Variants in WWOX observed in about 807,000 individuals in gnomAD.
The protein encoded by WWOX is WW domain-containing oxidoreductase.
Under a neutral mutation model 46.2 loss-of-function variants are expected in WWOX, and 69 were observed. The observed-to-expected ratio is 1.49, with a 90% CI of 1.23 to 1.82. The LOEUF is 1.82. Ranked by LOEUF, WWOX falls within the 40% of genes most tolerant of loss-of-function variation. WWOX has a pLI of 0.00. For synonymous variants in WWOX, 359 were observed against 202.6 expected (o/e 1.77, Z -6.56); for missense variants, 919 against 542.6 (o/e 1.69, Z -6.89).
chr16:78,872,207 A>G (rs1337969124), intron 8 of WWOX, among the ~76,000 whole-genome samples: 4 of 152,226 alleles, frequency 2.6e-5, no homozygotes, highest in African/African-American at 9.6e-5. Flanking sequence ...GGCTGCCTGG[A>G]TTCAAATCCC....
intron 8 of WWOX, among the ~76,000 whole-genome samples, chr16:79,037,088 C>T (rs1179747811): frequency 6.6e-6 from 1 of 152,158 alleles, no homozygotes; most frequent in Non-Finnish European, 1.5e-5. Flanking sequence ...CAGGGCGGGG[C>T]CTGGGCTTTA....
intron 8 of WWOX, among the ~76,000 whole-genome samples, chr16:78,808,578 T>A (rs2051103751): frequency 6.6e-6 from 1 of 152,192 alleles, no homozygotes; most frequent in Non-Finnish European, 1.5e-5. Context: ...GTAGCCAACA[T>A]TCTGGGAAGT....
intron 8 of WWOX, among the ~76,000 whole-genome samples, chr16:78,986,060 C>T (rs909379304): frequency 1.3e-5 from 2 of 152,164 alleles, no homozygotes; most frequent in Admixed American, 6.5e-5. Context: ...AGCTTGTCCA[C>T]GATGGCATGG....
chr16:78,474,237 G>C (rs1031135508), intron 8 of WWOX, among the ~76,000 whole-genome samples: 2 of 152,274 alleles, frequency 1.3e-5, no homozygotes, highest in African/African-American at 4.8e-5. Flanking sequence ...TTTTATGTTT[G>C]ACATTTTGAT....
chr16:78,127,999 A>C (rs2033430644), intron 4 of WWOX, among the ~76,000 whole-genome samples: 1 of 152,220 alleles, frequency 6.6e-6, no homozygotes, highest in African/African-American at 2.4e-5. Context: ...TGTACAGATC[A>C]AGTAAAACAA....
intron 8 of WWOX, among the ~76,000 whole-genome samples, chr16:78,798,651 A>G (rs1014169749): frequency 2.6e-5 from 4 of 151,398 alleles, no homozygotes; most frequent in Admixed American, 6.6e-5. Flanking sequence ...TTCTCGAAAC[A>G]TATATATTTT....
chr16:78,225,515 A>G (rs1449445444), intron 5 of WWOX, among the ~76,000 whole-genome samples: 1 of 152,124 alleles, frequency 6.6e-6, no homozygotes, highest in East Asian at 1.9e-4. Context: ...GTTACGCTTT[A>G]AAAATCCTTC....
intron 8 of WWOX, among the ~76,000 whole-genome samples, chr16:78,874,554 C>T (rs1044027217): frequency 6.6e-6 from 1 of 152,016 alleles, no homozygotes; most frequent in African/African-American, 2.4e-5. Flanking sequence ...TGATGTTATT[C>T]ATGGCAAAAG....
At chr16:78,518,358 A>T (rs944632884) in intron 8 of WWOX, among the ~76,000 whole-genome samples, 1 of 152,010 alleles carries the variant, frequency 6.6e-6, no homozygotes, top group African/African-American at 2.4e-5. Context: ...CAGCCTCCCG[A>T]GTAGCTGGGA....
intron 8 of WWOX, among the ~76,000 whole-genome samples, chr16:79,090,681 C>T (rs1488939263): frequency 1.3e-5 from 2 of 152,060 alleles, no homozygotes; most frequent in East Asian, 1.9e-4. Flanking sequence ...GAGGAGGGGA[C>T]GGCAAGTATC....
intron 8 of WWOX, among the ~76,000 whole-genome samples, chr16:79,057,297 G>A (rs1292081822): frequency 6.6e-6 from 1 of 152,184 alleles, no homozygotes; most frequent in East Asian, 1.9e-4. Flanking sequence ...CAGCATGGGG[G>A]CATGAATTGC....
chr16:78,953,359 C>A (rs2046101335), intron 8 of WWOX, among the ~76,000 whole-genome samples: 1 of 152,150 alleles, frequency 6.6e-6, no homozygotes, highest in Non-Finnish European at 1.5e-5. Flanking sequence ...AAGGGCTTTG[C>A]ACACTAATTG....
At chr16:78,991,864 G>A (rs1016629205) in intron 8 of WWOX, among the ~76,000 whole-genome samples, 1 of 152,004 alleles carries the variant, frequency 6.6e-6, no homozygotes, top group Admixed American at 6.6e-5. Context: ...TGTCCATGTG[G>A]GGCCCTGTGG....
chr16:78,780,665 C>T (rs536929244), intron 8 of WWOX, among the ~76,000 whole-genome samples: 100 of 152,192 alleles, frequency 6.6e-4, no homozygotes, highest in South Asian at 1.7e-3. Flanking sequence ...AAAAACAGTG[C>T]AAGCGCTGCA....
intron 8 of WWOX, among the ~76,000 whole-genome samples, chr16:79,052,339 T>G (rs1056650312): frequency 3.9e-5 from 6 of 152,224 alleles, no homozygotes; most frequent in Admixed American, 1.3e-4. Flanking sequence ...GATTTCCAAT[T>G]TCATCCATGT....
At chr16:79,180,989 T>C (rs1212809230) in intron 8 of WWOX, among the ~76,000 whole-genome samples, 1 of 152,250 alleles carries the variant, frequency 6.6e-6, no homozygotes, top group Non-Finnish European at 1.5e-5. Context: ...GTATGTCTGA[T>C]TTTTTAGCGT....
intron 5 of WWOX, among the ~76,000 whole-genome samples, chr16:78,294,431 G>A (rs1438885020): frequency 6.6e-6 from 1 of 151,952 alleles, no homozygotes; most frequent in African/African-American, 2.4e-5. Context: ...AATATTGCTG[G>A]CTTCTACTTG....
At chr16:79,097,190 G>C (rs1340497034) in intron 8 of WWOX, among the ~76,000 whole-genome samples, 2 of 152,116 alleles carry the variant, frequency 1.3e-5, no homozygotes, top group East Asian at 3.9e-4. Flanking sequence ...AGAGAAGTCA[G>C]AATTCTCTTT....
intron 8 of WWOX, among the ~76,000 whole-genome samples, chr16:79,060,101 C>T (rs1458714491): frequency 2.0e-5 from 3 of 152,134 alleles, no homozygotes; most frequent in Non-Finnish European, 4.4e-5. Flanking sequence ...TATAGTTAAT[C>T]CATTGTTGTT....
Sources: gnomAD v4.1 joint callset for allele counts (sites outside exome capture counted in the v4.1 genomes callset) on GRCh38, gnomAD v4.1.1 for gene constraint, MANE v1.5 for transcripts, NCBI Gene and HGNC (gene_info 2026-07-23, HGNC 2026-07-21) for gene names.